Variants in NTNG1 observed in about 807,000 individuals in gnomAD.
The protein encoded by NTNG1 is netrin-G1.
NTNG1 carries 16 observed loss-of-function variants against 54.0 expected under a neutral mutation model. The ratio of observed to expected loss-of-function variants is 0.30; its 90% CI spans 0.20 to 0.45. The LOEUF (loss-of-function observed/expected upper bound fraction) is 0.45, where lower values mean the gene tolerates loss of function less well. Ranked by LOEUF, NTNG1 falls within the 20% of genes least tolerant of loss-of-function variation. The pLI, the probability that NTNG1 is intolerant of heterozygous loss-of-function variation, is 1.00. For missense variants in NTNG1, 530 were observed against 678.7 expected (o/e 0.78, Z 2.43); for synonymous variants, 255 against 263.1 (o/e 0.97, Z 0.30).
chr1:107,372,198 C>T (rs1202094885), intron 3 of NTNG1, among the ~76,000 whole-genome samples: 1 of 151,910 alleles, frequency 6.6e-6, no homozygotes, highest in Admixed American at 6.6e-5. Flanking sequence ...ATTCATTAAG[C>T]ATACTTTGGG....
intron 2 of NTNG1, among the ~76,000 whole-genome samples, chr1:107,236,880 G>C (rs761444300): frequency 7.2e-5 from 11 of 152,106 alleles, no homozygotes; most frequent in Non-Finnish European, 1.5e-4. Flanking sequence ...TCTTTCTTTT[G>C]TAAATTGCCC....
chr1:107,211,703 T>C (rs538771573), intron 2 of NTNG1, among the ~76,000 whole-genome samples: 69 of 152,268 alleles, frequency 4.5e-4, no homozygotes, highest in African/African-American at 1.6e-3. Context: ...GTCTGCTTAA[T>C]TACTTGAAAA....
At chr1:107,312,063 A>G (rs1338222169) in intron 2 of NTNG1, among the ~76,000 whole-genome samples, 1 of 152,224 alleles carries the variant, frequency 6.6e-6, no homozygotes, top group East Asian at 1.9e-4. Context: ...CGGTTGTAGA[A>G]AGATCACTTT....
chr1:107,183,903 T>C (rs1025262565), intron 2 of NTNG1, among the ~76,000 whole-genome samples: 1 of 152,012 alleles, frequency 6.6e-6, no homozygotes, highest in African/African-American at 2.4e-5. Context: ...TCCTATGTGA[T>C]CCCCCTCCCT....
intron 3 of NTNG1, among the ~76,000 whole-genome samples, chr1:107,378,740 G>A (rs908107415): frequency 5.3e-5 from 8 of 152,118 alleles, no homozygotes; most frequent in African/African-American, 9.7e-5. Flanking sequence ...GTGTCTTGAC[G>A]GACTTAAATC....
chr1:107,280,706 C>A (rs1664792886), intron 2 of NTNG1, among the ~76,000 whole-genome samples: 1 of 151,634 alleles, frequency 6.6e-6, no homozygotes, highest in Non-Finnish European at 1.5e-5. Context: ...GTATTCCCAC[C>A]TGGCAGGGAA....
intron 7 of NTNG1, among the ~76,000 whole-genome samples, chr1:107,464,963 G>T (rs1004767443): frequency 6.6e-6 from 1 of 152,090 alleles, no homozygotes; most frequent in Non-Finnish European, 1.5e-5. Flanking sequence ...TTCTCTCCAG[G>T]TCGGCCCAAC....
chr1:107,396,329 G>A (rs778186324), intron 4 of NTNG1, among the ~76,000 whole-genome samples: 1 of 151,994 alleles, frequency 6.6e-6, no homozygotes, highest in Non-Finnish European at 1.5e-5. Context: ...ATAGGAACCA[G>A]GACTTTATCA....
intron 2 of NTNG1, among the ~76,000 whole-genome samples, chr1:107,189,447 C>A (rs1295332549): frequency 4.7e-5 from 6 of 128,438 alleles, no homozygotes; most frequent in South Asian, 2.9e-4. Context: ...GGAAAATAAA[C>A]AACCAGTGGT....
chr1:107,255,617 C>T (rs1035641811), intron 2 of NTNG1, among the ~76,000 whole-genome samples: 3 of 152,194 alleles, frequency 2.0e-5, no homozygotes, highest in African/African-American at 7.2e-5. Context: ...AGATACCTGT[C>T]TATGTTCCAG....
At chr1:107,480,575 C>CCCCCCCCCCCCCCCACCA in intron 7 of NTNG1, 36 bp from the exon 8 acceptor site, 1 of 512,238 alleles carries the variant, frequency 2.0e-6, no homozygotes, top group Non-Finnish European at 3.8e-6. Context: ...CTCCTCCCCG[C>CCCCCCCCCCCCCCCACCA]GCCCACCCAC....
At chr1:107,177,207 C>T (rs995743740) in intron 2 of NTNG1, among the ~76,000 whole-genome samples, 2 of 152,092 alleles carry the variant, frequency 1.3e-5, no homozygotes, top group Admixed American at 6.6e-5. Context: ...CTGCCCTTAC[C>T]CTGTTTTATT....
chr1:107,284,301 A>C (rs1008502368), intron 2 of NTNG1, among the ~76,000 whole-genome samples: 1 of 152,196 alleles, frequency 6.6e-6, no homozygotes, highest in South Asian at 2.1e-4. Flanking sequence ...AACCAACATC[A>C]GGAGAATTTG....
intron 3 of NTNG1, among the ~76,000 whole-genome samples, chr1:107,394,245 ATC>A (rs1672543759): frequency 6.6e-6 from 1 of 152,188 alleles, no homozygotes; most frequent in Non-Finnish European, 1.5e-5. Flanking sequence ...TACAGTTTAT[ATC>A]CTGCTGCCTC....
intron 2 of NTNG1, among the ~76,000 whole-genome samples, chr1:107,185,682 C>T (rs896970467): frequency 6.6e-6 from 1 of 152,058 alleles, no homozygotes; most frequent in Non-Finnish European, 1.5e-5. Flanking sequence ...TACGTAGCAT[C>T]GTTTGTGCTG....
Position 107,348,131 on chromosome 1 carries a change from A to G in NTNG1, c.887+23209A>G, listed in dbSNP as rs867545903. ...GTTTGCTTTTATTATTATTATTATT[A>G]TTATTATTATTTGAGATAGAGTCTC... On this transcript the variant is annotated intron_variant, in intron 3 of 7. Transcript: ENST00000370068. Among the ~76,000 whole-genome samples, 1,053 of 151,064 alleles carry G rather than the reference A, an allele frequency of 7.0e-3. 13 individuals are homozygous for G. The highest frequency in any genetic ancestry group is 0.021 in the African/African-American group (862 of 41,132).
chr1:107,216,500 C>T (rs11185069), intron 2 of NTNG1, among the ~76,000 whole-genome samples: 130,749 of 152,136 alleles, frequency 0.86, 57,799 homozygotes, highest in East Asian at 0.99. Flanking sequence ...ATGAGACCCA[C>T]TTGATCATGA....
At chr1:107,211,863 AC>A (rs1346495234) in intron 2 of NTNG1, among the ~76,000 whole-genome samples, 1 of 152,210 alleles carries the variant, frequency 6.6e-6, no homozygotes, top group Non-Finnish European at 1.5e-5. Context: ...CCAGACTTCC[AC>A]AGTTCATTTG....
At chr1:107,143,721 T>G (rs1360059223) in intron 1 of NTNG1, among the ~76,000 whole-genome samples, 2 of 151,878 alleles carry the variant, frequency 1.3e-5, no homozygotes, top group Admixed American at 6.6e-5. Flanking sequence ...TTTTCTCATA[T>G]ATGCGTTTGA....
Sources: gnomAD v4.1 joint callset for allele counts (sites outside exome capture counted in the v4.1 genomes callset) on GRCh38, gnomAD v4.1.1 for gene constraint, MANE v1.5 for transcripts, NCBI Gene and HGNC (gene_info 2026-07-23, HGNC 2026-07-21) for gene names.